Variants in ISM2 observed in about 807,000 individuals in gnomAD.
The protein encoded by ISM2 is isthmin-2.
Under a neutral mutation model 58.0 loss-of-function variants are expected in ISM2, and 50 were observed. The ratio of observed to expected loss-of-function variants is 0.86; its 90% CI spans 0.69 to 1.09. The LOEUF (loss-of-function observed/expected upper bound fraction) is 1.09. Among genes scored for constraint, ISM2 ranks in the 50% least tolerant of loss-of-function variants. The pLI is 0.00. For missense variants in ISM2, 723 were observed against 745.0 expected (o/e 0.97, Z 0.34); for synonymous variants, 303 against 312.4 (o/e 0.97, Z 0.32).
chr14:77,498,551 G>T, intron 1 of ISM2, 102 bp downstream of exon 1: 2 of 1,386,780 alleles, frequency 1.4e-6, no homozygotes, highest in African/African-American at 1.5e-5. Context: ...GGGGGTCGCT[G>T]CCTGTGTGTG....
At chr14:77,478,864 C>A in intron 4 of ISM2, 149 bp from the exon 5 acceptor site, 6 of 729,228 alleles carry the variant, frequency 8.2e-6, no homozygotes, top group Admixed American at 5.4e-5. Context: ...ATTTCAGCTT[C>A]CACCTGCTCC....
Position 77,484,659 on chromosome 14 carries a change from C to A in ISM2, c.384+18G>T, listed in dbSNP as rs1401070234. 1.2e-6 allele frequency: 2 copies of A among 1,601,432 alleles called. No individual in the cohort carries two copies. The highest frequency in any genetic ancestry group is 1.7e-6 in the Non-Finnish European group (2 of 1,176,168). The stretch of plus-strand genomic sequence containing the variant: ...GCCAGGCAGAGCCAGGAGCTGCTGG[C>A]CCTTCTGTAGCTCTCACCTGGGTAT... On this transcript the variant is annotated intron_variant, in intron 2 of 6. Transcript: ENST00000342219.
At chr14:77,476,854 A>G (rs2079101598) in intron 6 of ISM2, among the ~76,000 whole-genome samples, 1 of 152,170 alleles carries the variant, frequency 6.6e-6, no homozygotes, top group Non-Finnish European at 1.5e-5. Flanking sequence ...CCTGGCCAAC[A>G]TGGCAAAGTC....
chr14:77,494,376 A>C (rs536786139), intron 1 of ISM2, among the ~76,000 whole-genome samples: 1 of 151,994 alleles, frequency 6.6e-6, no homozygotes, highest in South Asian at 2.1e-4. Context: ...TGGGCTGGTC[A>C]GTTATTTCTT....
In ISM2 at chr14:77,475,842, T is replaced by G. The variant is rs560837174; in HGVS notation, c.1469A>C (p.Gln490Pro). ...LSGESSTLAAQHCCYDEDSRL... is the reference protein window; with the variant it reads ...LSGESSTLAAPHCCYDEDSRL... ...GCTGTCCTCGTCATAGCAGCAGTGC[T>G]GGGCGGCCAGTGTGCTGCTCTCCCC... Residue 490 changes from glutamine (Q) to proline (P), a missense_variant, in exon 7 of 7, where the codon CAG becomes CCG. By Grantham distance (76) the Gln-to-Pro change is moderately conservative (BLOSUM62 -1). Coordinates refer to ENST00000342219, the MANE Select transcript of ISM2 (RefSeq NM_199296.3). The surrounding 1 kb of genome is among the most constrained non-coding windows in gnomAD (Gnocchi z 4.1). The G allele has an allele frequency of 6.2e-7, 1 of 1,611,330 alleles. No individual in the cohort carries two copies. Among genetic ancestry groups the G allele is most frequent in the Non-Finnish European group, 8.5e-7 (1 of 1,179,818 alleles).
chr14:77,478,556 G>A lies in ISM2; in HGVS notation c.1114+19C>T, dbSNP rs2079112354. On this transcript the variant is annotated intron_variant, in intron 5 of 6. Coordinates refer to ENST00000342219, the MANE Select transcript of ISM2 (RefSeq NM_199296.3). The stretch of plus-strand genomic sequence containing the variant: ...AGCCGCACCAGCCACTCCTATGCAG[G>A]GGTAGGGGCTCATCTCACCAGGACA... 1 of 1,605,894 alleles carries A rather than the reference G, an allele frequency of 6.2e-7. No homozygotes were observed. Among genetic ancestry groups the A allele is most frequent in the Admixed American group, 1.7e-5 (1 of 59,822 alleles).
chr14:77,485,109 A>G lies in ISM2; in HGVS notation c.142-190T>C, dbSNP rs189228931. Among the ~76,000 whole-genome samples, 6 of 152,310 alleles carry G rather than the reference A, an allele frequency of 3.9e-5. No homozygotes were observed. The East Asian group carries it at 1.2e-3, about 29-fold the overall frequency. On this transcript the variant is annotated intron_variant, in intron 1 of 6. Transcript: ENST00000342219. ...CACACTGCCTGCTTTAAGGCCCTCAACGGGTAAGTGAGGGTGTAGCTGGTC... is the reference window on the plus strand; with the variant it reads ...CACACTGCCTGCTTTAAGGCCCTCAGCGGGTAAGTGAGGGTGTAGCTGGTC...
rs7160125 is a variant in ISM2 at position 77,476,650 on chromosome 14, C to T, written c.1199-538G>A. On this transcript the variant is annotated intron_variant, in intron 6 of 6. Transcript: ENST00000342219. Reference sequence around the variant, plus strand: ...TCCTCCCCATCTCCACCTCGGGAAACGTGGCCTTTTTTTAAACTATATTTT... The same window carrying T: ...TCCTCCCCATCTCCACCTCGGGAAATGTGGCCTTTTTTTAAACTATATTTT... Among the ~76,000 whole-genome samples the T allele has an allele frequency of 6.8e-3, 1,028 of 152,240 alleles. 9 individuals are homozygous for T. Among genetic ancestry groups the T allele is most frequent in the African/African-American group, 0.024 (996 of 41,552 alleles).
At chr14:77,480,905 A>G (rs2079128143) in intron 4 of ISM2, among the ~76,000 whole-genome samples, 1 of 152,132 alleles carries the variant, frequency 6.6e-6, no homozygotes, top group South Asian at 2.1e-4. Context: ...TGAATTGGGA[A>G]GAGCCTGTCA....
At chr14:77,485,434 T>G (rs2139963627) in intron 1 of ISM2, among the ~76,000 whole-genome samples, 1 of 152,358 alleles carries the variant, frequency 6.6e-6, no homozygotes, top group East Asian at 1.9e-4. Flanking sequence ...GAGGGCTGTG[T>G]TCCTCCGCCT....
At chr14:77,486,970 G>A (rs2079171672) in intron 1 of ISM2, among the ~76,000 whole-genome samples, 1 of 151,810 alleles carries the variant, frequency 6.6e-6, no homozygotes, top group Non-Finnish European at 1.5e-5. Flanking sequence ...GGCCAGGCAC[G>A]GTGGCTCACG....
chr14:77,484,991 A>T (rs990977007), intron 1 of ISM2, 72 bp from the exon 2 acceptor site: 11 of 1,477,652 alleles, frequency 7.4e-6, no homozygotes, highest in Non-Finnish European at 1.0e-5. Context: ...AAGGCTGGCC[A>T]GGCAGATCCA....
At chr14:77,491,025 C>T (rs1279044080) in intron 1 of ISM2, among the ~76,000 whole-genome samples, 1 of 152,236 alleles carries the variant, frequency 6.6e-6, no homozygotes, top group African/African-American at 2.4e-5. Flanking sequence ...TAGAAAGACC[C>T]CACAACCAGA....
intron 3 of ISM2, 47 bp downstream of exon 3, chr14:77,484,276 T>C (rs1366732631): frequency 1.3e-6 from 2 of 1,589,630 alleles, no homozygotes; most frequent in Admixed American, 1.7e-5. Flanking sequence ...TCAGCCCCGC[T>C]CCTCTCCGGG....
At chr14:77,478,551 T>C (rs1360021727) in intron 5 of ISM2, 24 bp downstream of exon 5, 1 of 1,603,982 alleles carries the variant, frequency 6.2e-7, no homozygotes, top group Admixed American at 1.7e-5. Flanking sequence ...GCCACTCCTA[T>C]GCAGGGGTAG....
rs778602509 is a variant in ISM2, at chr14:77,475,591, G to A, written c.*4C>T. 2.8e-5 allele frequency: 43 copies of A among 1,549,426 alleles called. No individual in the cohort carries two copies. In the African/African-American group the frequency reaches 3.3e-4, roughly 12 times the overall value. ...CCTGCAGTGTCTGTTCAGCAACCCC[G>A]TCACTAGTACTCCTTGGCCTCCTGC... On this transcript the variant is annotated 3_prime_UTR_variant, in exon 7 of 7. Coordinates refer to ENST00000342219, the MANE Select transcript of ISM2 (RefSeq NM_199296.3). This position sits in a 1 kb window ranked among gnomAD's most constrained non-coding sequence, Gnocchi z 4.1.
At chr14:77,488,995 C>A (rs970458921) in intron 1 of ISM2, among the ~76,000 whole-genome samples, 3 of 152,142 alleles carry the variant, frequency 2.0e-5, no homozygotes, top group Admixed American at 2.0e-4. Context: ...GGTGTCACTG[C>A]CCAAATAGAG....
intron 5 of ISM2, 73 bp from the exon 6 acceptor site, chr14:77,478,398 A>T (rs2079111357): frequency 2.0e-6 from 3 of 1,469,672 alleles, no homozygotes; most frequent in Non-Finnish European, 1.9e-6. Flanking sequence ...AAACCCCCCC[A>T]CCTCAATAGG....
chr14:77,481,865 C>T (rs1257238125), intron 4 of ISM2, among the ~76,000 whole-genome samples: 3 of 151,544 alleles, frequency 2.0e-5, no homozygotes, highest in Non-Finnish European at 4.4e-5. Flanking sequence ...TTTGGGAGGC[C>T]GAGGTGGGAG....
Sources: allele counts gnomAD v4.1 joint callset (sites outside exome capture counted in the v4.1 genomes callset), GRCh38; gene constraint gnomAD v4.1.1; non-coding constraint Gnocchi (gnomAD v3.1); transcripts MANE v1.5; gene names NCBI Gene and HGNC (gene_info 2026-07-23, HGNC 2026-07-21).